DCAF6: variants seen among roughly 807,000 people sequenced by gnomAD.
DCAF6 encodes the protein DDB1 and CUL4 associated factor 6, also known as DDB1- and CUL4-associated factor 6.
DCAF6 carries 54 observed loss-of-function variants against 125.1 expected under a neutral mutation model. The ratio of observed to expected loss-of-function variants is 0.43; its 90% CI spans 0.35 to 0.54. DCAF6 has a LOEUF of 0.54. DCAF6 is among the 20% of genes least tolerant of loss of function. The probability of loss-of-function intolerance (pLI) is 0.01; values close to 1 mark genes in which losing one functional copy is unlikely to be tolerated. For synonymous variants in DCAF6, 371 were observed against 390.4 expected (o/e 0.95, Z 0.58); for missense variants, 934 against 1,161.7 (o/e 0.80, Z 2.85).
intron 16 of DCAF6, among the ~76,000 whole-genome samples, chr1:168,048,732 G>A (rs984923318): frequency 1.3e-5 from 2 of 152,198 alleles, no homozygotes; most frequent in African/African-American, 4.8e-5. Flanking sequence ...GAGCCATATA[G>A]TAAATATTTT....
At chr1:167,883,318 G>A in the DCAF6 span, 623 of 1,149,084 alleles carry the variant, frequency 5.4e-4, 1 homozygote, top group African/African-American at 8.2e-3. Context: ...GATTACAGGC[G>A]TGAGCCACCA....
intron 10 of DCAF6, among the ~76,000 whole-genome samples, chr1:168,008,815 C>T (rs537973577): frequency 2.7e-5 from 4 of 150,796 alleles, no homozygotes; most frequent in Admixed American, 2.0e-4. Context: ...AGAGAATTTC[C>T]GTGCCAAATT....
chr1:168,044,229 A>C (rs1688880141), intron 14 of DCAF6, among the ~76,000 whole-genome samples: 1 of 152,170 alleles, frequency 6.6e-6, no homozygotes, highest in Non-Finnish European at 1.5e-5. Context: ...TGGAGTATTA[A>C]GTTGATGTTT....
chr1:167,931,832 T>C (rs1670920908), upstream of DCAF6, among the ~76,000 whole-genome samples: 1 of 152,212 alleles, frequency 6.6e-6, no homozygotes, highest in African/African-American at 2.4e-5. Flanking sequence ...TAAACACTGA[T>C]AACATTGGTT....
chr1:168,048,793 A>G (rs1689456390), intron 16 of DCAF6, among the ~76,000 whole-genome samples: 1 of 152,234 alleles, frequency 6.6e-6, no homozygotes, highest in African/African-American at 2.4e-5. Flanking sequence ...AGGTACTTAT[A>G]TGACCATTTA....
In DCAF6 at chr1:168,004,716, C is replaced by A. The variant is rs1312062927; in HGVS notation, c.1301C>A (p.Thr434Asn). 6.2e-7 allele frequency: 1 copy of A among 1,614,022 alleles called. No homozygotes were observed. The highest frequency in any genetic ancestry group is 8.5e-7 in the Non-Finnish European group (1 of 1,179,930). Residue 434 changes from threonine (T) to asparagine (N), a missense_variant, in exon 10 of 22, where the codon ACT becomes AAT. Physicochemically the swap from Thr to Asn is moderately conservative, Grantham distance 65 (BLOSUM62 0). Coordinates refer to ENST00000367840, the MANE Select transcript of DCAF6 (RefSeq NM_001198956.2). ...TCTCCCACAGAAAGCCCTCATTCTA[C>A]TCCTTTGCTATCTTCTCCAGACAGT... ...TSSPTESPHS[T>N]PLLSSPDSEQ...
intron 7 of DCAF6, 99 bp from the exon 8 acceptor site, chr1:168,002,383 A>G (rs1288892496): frequency 2.0e-6 from 2 of 999,674 alleles, no homozygotes; most frequent in East Asian, 5.0e-5. Context: ...ATACTCAAGA[A>G]GTAGGGAGAT....
the DCAF6 span, among the ~76,000 whole-genome samples, chr1:167,865,850 T>C: frequency 6.6e-6 from 1 of 152,220 alleles, no homozygotes; most frequent in Non-Finnish European, 1.5e-5. Flanking sequence ...AAAGTGGTCC[T>C]CCAGTCCACC....
Position 168,015,890 on chromosome 1 carries a change from A to G in DCAF6, c.1488A>G (p.Gln496=), listed in dbSNP as rs200104830. 9.1e-6 allele frequency: 14 copies of G among 1,543,550 alleles called. No individual in the cohort carries two copies. The highest frequency in any genetic ancestry group is 1.2e-5 in the Non-Finnish European group (14 of 1,143,460). The change falls in exon 11 of 22, where the codon CAA becomes CAG. Residue 496 remains glutamine, a synonymous_variant. Coordinates refer to ENST00000367840, the MANE Select transcript of DCAF6 (RefSeq NM_001198956.2). ...AAGAGCTAGCTGCACATACCCAGCA[A>G]CAGCCTTCCACTTCTGATCAGTCTT... ...RQQELAAHTQ[Q]QPSTSDQSSH...
At chr1:168,015,105 C>A (rs2103171499) in intron 10 of DCAF6, among the ~76,000 whole-genome samples, 1 of 152,290 alleles carries the variant, frequency 6.6e-6, no homozygotes, top group South Asian at 2.1e-4. Flanking sequence ...GAGCCTAAAA[C>A]AATGCCTCAT....
intron 2 of DCAF6, among the ~76,000 whole-genome samples, chr1:167,961,181 T>C (rs1675534565): frequency 6.6e-6 from 1 of 152,226 alleles, no homozygotes; most frequent in Admixed American, 6.5e-5. Context: ...CTTTTTAATA[T>C]TAACCTTGTA....
chr1:167,939,984 T>C (rs1419297040), intron 1 of DCAF6, among the ~76,000 whole-genome samples: 1 of 152,222 alleles, frequency 6.6e-6, no homozygotes, highest in Non-Finnish European at 1.5e-5. Context: ...AGTGAATTAC[T>C]GCTAAATAGT....
At chr1:167,980,487 A>G (rs894160100) in intron 4 of DCAF6, among the ~76,000 whole-genome samples, 18 of 151,018 alleles carry the variant, frequency 1.2e-4, no homozygotes, top group East Asian at 3.9e-4. Context: ...AACACTTACA[A>G]TTTTTTTTTA....
the DCAF6 span, among the ~76,000 whole-genome samples, chr1:167,889,996 C>T: frequency 6.6e-6 from 1 of 152,280 alleles, no homozygotes; most frequent in East Asian, 1.9e-4. Flanking sequence ...CTTTGAGTTT[C>T]CTCAAACAGC....
In DCAF6 at chr1:167,995,157, A is replaced by AT. The variant is rs201580904; in HGVS notation, c.903+1717_903+1718insT. 9.9e-3 allele frequency among the ~76,000 whole-genome samples: 1,508 copies of AT among 152,306 alleles called. 22 individuals are homozygous for AT. The highest frequency in any genetic ancestry group is 0.035 in the African/African-American group (1,448 of 41,544). ...TTCCCCTTGAAATACATGGGTAAGT[A>AT]AAGTTATAGTCAAACTGTGATTGTT... is the stretch of plus-strand genomic sequence containing the variant. On this transcript the variant is annotated intron_variant, in intron 7 of 21. Coordinates refer to ENST00000367840, the MANE Select transcript of DCAF6 (RefSeq NM_001198956.2).
chr1:167,975,547 T>G (rs1678018543), intron 4 of DCAF6, among the ~76,000 whole-genome samples: 1 of 152,202 alleles, frequency 6.6e-6, no homozygotes, highest in Non-Finnish European at 1.5e-5. Flanking sequence ...AATGTACAAC[T>G]GAGTTCTCTT....
At chr1:168,013,320 C>T (rs1219160864) in intron 10 of DCAF6, among the ~76,000 whole-genome samples, 1 of 152,112 alleles carries the variant, frequency 6.6e-6, no homozygotes, top group Non-Finnish European at 1.5e-5. Context: ...GAATAAAATG[C>T]TTTATAAATA....
At chr1:167,901,601 G>A in the DCAF6 span, 24 of 1,519,172 alleles carry the variant, frequency 1.6e-5, no homozygotes, top group East Asian at 4.5e-5. Flanking sequence ...AGAGAGAGAT[G>A]CCCCAGGAGT....
the DCAF6 span, chr1:167,870,288 T>G: frequency 6.2e-7 from 1 of 1,614,060 alleles, no homozygotes; most frequent in Non-Finnish European, 8.5e-7. Flanking sequence ...AGGTACTCAA[T>G]TTTCATAAGT....
Sources: allele counts gnomAD v4.1 joint callset (sites outside exome capture counted in the v4.1 genomes callset), GRCh38; gene constraint gnomAD v4.1.1; transcripts MANE v1.5; gene names NCBI Gene and HGNC (gene_info 2026-07-23, HGNC 2026-07-21).